Variants in CFAP20DC observed in about 807,000 individuals in gnomAD.
CFAP20DC encodes CFAP20 domain containing, also known as protein CFAP20DC.
A neutral mutation model predicts 101.7 loss-of-function variants in CFAP20DC; 84 were observed. The ratio of observed to expected loss-of-function variants is 0.83; its 90% CI spans 0.69 to 0.99. CFAP20DC has a LOEUF of 0.99. Among genes scored for constraint, CFAP20DC ranks in the 50% least tolerant of loss-of-function variants. CFAP20DC has a pLI of 0.00. For missense variants in CFAP20DC, 1,007 were observed against 970.3 expected, an observed-to-expected ratio of 1.04 and a Z score of -0.50; for synonymous variants, 359 against 351.2, an observed-to-expected ratio of 1.02 and a Z score of -0.25.
rs2067662765 is a variant in CFAP20DC, at chr3:58,732,401, T to C, written c.198-14773A>G. 6.6e-6 allele frequency among the ~76,000 whole-genome samples: 1 copy of C among 152,188 alleles called. No homozygotes were observed. Among genetic ancestry groups the C allele is most frequent in the Non-Finnish European group, 1.5e-5 (1 of 68,044 alleles). ...AAAGTTGTAGATATTGTTTATAGAA[T>C]GTGATCAGGTGGCAGAGTGACAACC... On this transcript the variant is annotated intron_variant, in intron 3 of 3. Transcript: ENST00000486145. The surrounding 1 kb of genome is among the most constrained non-coding windows in gnomAD (Gnocchi z 5.4).
At position 58,958,805 on chromosome 3, in the gene CFAP20DC, A is replaced by G. The variant is rs1342161409; in HGVS notation, c.279-21043T>C. Among the ~76,000 whole-genome samples the G allele has an allele frequency of 3.3e-5, 5 of 152,276 alleles. No individual in the cohort carries two copies. The South Asian group carries it at 8.3e-4, about 25-fold the overall frequency. ...TTTACCAAATTTTAAACTGGATGAT[A>G]TATTTTCATATTATTAATTGTAATT... On this transcript the variant is annotated intron_variant, in intron 4 of 16. Transcript: ENST00000482387.
At chr3:59,011,610 T>A (rs1425211625) in intron 4 of CFAP20DC, among the ~76,000 whole-genome samples, 1 of 151,018 alleles carries the variant, frequency 6.6e-6, no homozygotes, top group African/African-American at 2.4e-5. Flanking sequence ...ATAACAAAGA[T>A]CAGAGCAGAA....
intron 4 of CFAP20DC, among the ~76,000 whole-genome samples, chr3:58,943,707 C>T (rs1406145380): frequency 6.6e-6 from 1 of 152,138 alleles, no homozygotes; most frequent in East Asian, 1.9e-4. Flanking sequence ...GGAAACAAAA[C>T]TGGACAGAGA....
At chr3:58,934,421 A>C (rs2083656332) in intron 5 of CFAP20DC, among the ~76,000 whole-genome samples, 1 of 152,344 alleles carries the variant, frequency 6.6e-6, no homozygotes, top group African/African-American at 2.4e-5. Context: ...AACTCATTTT[A>C]TGAGGCCAGC....
intron 4 of CFAP20DC, among the ~76,000 whole-genome samples, chr3:59,038,307 AAAG>A (rs1560034414): frequency 6.6e-6 from 1 of 152,118 alleles, no homozygotes; most frequent in African/African-American, 2.4e-5. Context: ...TCCCAAGCAA[AAAG>A]AAGAATGTGA....
At chr3:58,718,784 T>C (rs1262780042) in intron 3 of CFAP20DC, among the ~76,000 whole-genome samples, 1 of 152,234 alleles carries the variant, frequency 6.6e-6, no homozygotes, top group Non-Finnish European at 1.5e-5. Flanking sequence ...CCAATTGGCC[T>C]GCTCTTGGTA....
At chr3:58,720,213 C>A (rs2067452332) in intron 3 of CFAP20DC, among the ~76,000 whole-genome samples, 1 of 152,232 alleles carries the variant, frequency 6.6e-6, no homozygotes, top group African/African-American at 2.4e-5. Context: ...CTTTGGCTGT[C>A]TTGTTCACTG....
At chr3:58,778,143 T>C (rs1559576906) in intron 15 of CFAP20DC, among the ~76,000 whole-genome samples, 1 of 152,150 alleles carries the variant, frequency 6.6e-6, no homozygotes, top group African/African-American at 2.4e-5. Context: ...AACCCCAGCC[T>C]GCTCAGTAGA....
intron 12 of CFAP20DC, among the ~76,000 whole-genome samples, chr3:58,851,112 G>A (rs756606029): frequency 1.9e-4 from 29 of 152,206 alleles, no homozygotes; most frequent in Non-Finnish European, 3.4e-4. Context: ...GCAGATTCTC[G>A]GAATGTAATG....
chr3:58,876,170 A>C (rs188760431), intron 7 of CFAP20DC, among the ~76,000 whole-genome samples: 2 of 152,214 alleles, frequency 1.3e-5, no homozygotes, highest in African/African-American at 4.8e-5. Context: ...ACCTCGTTAA[A>C]CTTGTTATTA....
chr3:58,996,186 T>C (rs1038727015), intron 4 of CFAP20DC, among the ~76,000 whole-genome samples: 2 of 152,178 alleles, frequency 1.3e-5, no homozygotes, highest in Admixed American at 6.5e-5. Context: ...CAGGCATAGT[T>C]TCCAAACTTA....
At chr3:58,758,644 C>A (rs566880214) in intron 15 of CFAP20DC, among the ~76,000 whole-genome samples, 2 of 152,092 alleles carry the variant, frequency 1.3e-5, no homozygotes, top group African/African-American at 4.8e-5. Context: ...CCCATTAACT[C>A]GTCATTTAGC....
At chr3:59,047,335 C>T (rs748737988) in intron 1 of CFAP20DC, 81 bp from the exon 2 acceptor site, 8 of 907,286 alleles carry the variant, frequency 8.8e-6, no homozygotes, top group Admixed American at 2.3e-5. Flanking sequence ...CCAGTGTTCC[C>T]GGCATCTGTC....
intron 4 of CFAP20DC, among the ~76,000 whole-genome samples, chr3:58,959,178 T>A (rs1179995379): frequency 6.6e-6 from 1 of 152,214 alleles, no homozygotes; most frequent in African/African-American, 2.4e-5. Flanking sequence ...CACTGCAACC[T>A]CCGCCTCCCC....
At position 58,861,670 on chromosome 3, in the gene CFAP20DC, C is replaced by T. The variant is rs546474049; in HGVS notation, c.1593+1888G>A. 5 of 985,390 alleles carry T rather than the reference C, an allele frequency of 5.1e-6. 1 individual carries two copies. The Admixed American group carries it at 3.1e-4, about 61-fold the overall frequency. The allele number at this position is 985,390 out of a possible 1,614,324, so 61.0% of individuals were successfully genotyped here. The stretch of plus-strand genomic sequence containing the variant: ...TCTCGTTAGTCTCTGTACCAGCAAA[C>T]CCCAAAGCTTGATAATGTGGCAGGT... On this transcript the variant is annotated intron_variant, in intron 12 of 16. Coordinates refer to ENST00000482387, the MANE Select transcript of CFAP20DC (RefSeq NM_001394063.1). The surrounding 1 kb of genome is among the most constrained non-coding windows in gnomAD (Gnocchi z 4.0).
At chr3:58,764,276 G>C (rs562842580) in intron 15 of CFAP20DC, among the ~76,000 whole-genome samples, 6 of 152,288 alleles carry the variant, frequency 3.9e-5, no homozygotes, top group Non-Finnish European at 8.8e-5. Context: ...CTTGTAGTTT[G>C]ATCTCAGACT....
intron 15 of CFAP20DC, among the ~76,000 whole-genome samples, chr3:58,792,364 A>G (rs993170066): frequency 6.6e-6 from 1 of 152,148 alleles, no homozygotes; most frequent in Non-Finnish European, 1.5e-5. Context: ...ACTTAAGTAA[A>G]GCCATTATTG....
chr3:58,945,099 T>C (rs1207395773), intron 4 of CFAP20DC, among the ~76,000 whole-genome samples: 1 of 152,220 alleles, frequency 6.6e-6, no homozygotes, highest in Non-Finnish European at 1.5e-5. Flanking sequence ...CCCTACAAGA[T>C]ATCTACTATT....
intron 3 of CFAP20DC, among the ~76,000 whole-genome samples, chr3:58,733,312 A>G (rs1258356555): frequency 6.6e-6 from 1 of 152,210 alleles, no homozygotes; most frequent in Non-Finnish European, 1.5e-5. Context: ...AGCCTGGGTG[A>G]TAGGGCAAGA....
Sources: allele counts gnomAD v4.1 joint callset (sites outside exome capture counted in the v4.1 genomes callset), GRCh38; gene constraint gnomAD v4.1.1; non-coding constraint Gnocchi (gnomAD v3.1); transcripts MANE v1.5; gene names NCBI Gene and HGNC (gene_info 2026-07-23, HGNC 2026-07-21).